Variants in ALX4 observed in about 807,000 individuals in gnomAD.
The protein encoded by ALX4 is ALX homeobox 4.
Under a neutral mutation model 40.6 loss-of-function variants are expected in ALX4, and 22 were observed. The observed-to-expected ratio is 0.54, with a 90% CI of 0.39 to 0.77. The LOEUF is 0.77. Ranked by LOEUF, ALX4 falls within the 30% of genes least tolerant of loss-of-function variation. The pLI is 0.00. For synonymous variants in ALX4, 266 were observed against 240.5 expected (o/e 1.11, Z -0.98); for missense variants, 556 against 564.8 (o/e 0.98, Z 0.16).
At chr11:44,287,232 T>C (rs1260401358) in intron 1 of ALX4, among the ~76,000 whole-genome samples, 2 of 152,106 alleles carry the variant, frequency 1.3e-5, no homozygotes, top group Non-Finnish European at 2.9e-5. Context: ...AGTCTAGAGA[T>C]GGAGTGGGCT....
intron 2 of ALX4, among the ~76,000 whole-genome samples, chr11:44,269,892 T>C (rs1956235185): frequency 6.6e-6 from 1 of 152,206 alleles, no homozygotes; most frequent in Non-Finnish European, 1.5e-5. Context: ...CCCAGGGTTT[T>C]CTGTGGGGGA....
In ALX4 at chr11:44,263,108, A is replaced by AC. The variant is rs1253361717; in HGVS notation, c.*1745dup. ...AACACCAGGCAGGCGGGAGACTGTC[A>AC]CCCCCAACCCCAGAGACCCTCATTC... On this transcript the variant is annotated 3_prime_UTR_variant, in exon 4 of 4. Transcript: ENST00000652299. 2.6e-5 allele frequency: 4 copies of AC among 152,254 alleles called. No individual in the cohort carries two copies. Among genetic ancestry groups the AC allele is most frequent in the African/African-American group, 7.2e-5 (3 of 41,530 alleles). The allele number at this position is 152,254 out of a possible 1,614,324, so 9.4% of individuals were successfully genotyped here.
intron 1 of ALX4, among the ~76,000 whole-genome samples, chr11:44,306,724 T>G (rs758929126): frequency 6.6e-6 from 1 of 152,208 alleles, no homozygotes; most frequent in Non-Finnish European, 1.5e-5. Context: ...CTCACAACTG[T>G]GGGAGAGAAT....
chr11:44,283,358 A>T (rs1019197703), intron 1 of ALX4, among the ~76,000 whole-genome samples: 3 of 152,232 alleles, frequency 2.0e-5, no homozygotes, highest in African/African-American at 7.2e-5. Flanking sequence ...CTAAATTAAA[A>T]GTTTATATGC....
chr11:44,265,608 G>A (rs905527250), intron 3 of ALX4, among the ~76,000 whole-genome samples: 8 of 152,142 alleles, frequency 5.3e-5, no homozygotes, highest in South Asian at 2.1e-4. Flanking sequence ...ACCTCAACTC[G>A]GAGAGCTTTG....
At chr11:44,306,213 C>A (rs966106562) in intron 1 of ALX4, among the ~76,000 whole-genome samples, 10 of 152,244 alleles carry the variant, frequency 6.6e-5, no homozygotes, top group Admixed American at 2.6e-4. Context: ...AAGGACACTG[C>A]GGAGCCGCCT....
intron 1 of ALX4, among the ~76,000 whole-genome samples, chr11:44,276,420 G>A (rs1956278492): frequency 6.6e-6 from 1 of 152,212 alleles, no homozygotes; most frequent in Non-Finnish European, 1.5e-5. Flanking sequence ...GGCCTGGGTG[G>A]GTGTACATGA....
rs1427499979 is a variant in ALX4 at position 44,309,736 on chromosome 11, C to G, written c.327G>C (p.Gln109His). 1 of 1,554,444 alleles carries G rather than the reference C, an allele frequency of 6.4e-7. No homozygotes were observed. The highest frequency in any genetic ancestry group is 1.4e-5 in the African/African-American group (1 of 72,494). Residue 109 changes from glutamine (Q) to histidine (H), a missense_variant, in exon 1 of 4, where the codon CAG becomes CAC. Coordinates refer to ENST00000652299, the MANE Select transcript of ALX4 (RefSeq NM_021926.4). ...PQPPPQPQPQ[Q>H]QQPQPQPPAQ... Reference sequence around the variant, plus strand: ...CGGGCGGCTGGGGCTGCGGCTGCTGCTGCTGCGGCTGCGGCTGCGGCGGCG... The same window carrying G: ...CGGGCGGCTGGGGCTGCGGCTGCTGGTGCTGCGGCTGCGGCTGCGGCGGCG...
chr11:44,296,547 G>T (rs1480092019), intron 1 of ALX4, among the ~76,000 whole-genome samples: 1 of 152,136 alleles, frequency 6.6e-6, no homozygotes, highest in Non-Finnish European at 1.5e-5. Flanking sequence ...AGAAATATTC[G>T]CAAATCATGT....
At chr11:44,272,823 TA>T (rs35424807) in intron 2 of ALX4, among the ~76,000 whole-genome samples, 36,326 of 149,200 alleles carry the variant, frequency 0.24, 5,144 homozygotes, top group Admixed American at 0.35. Context: ...AATAAAAAAA[TA>T]AAAAAAAAAT....
chr11:44,280,721 T>C (rs987065016), intron 1 of ALX4, among the ~76,000 whole-genome samples: 1 of 151,866 alleles, frequency 6.6e-6, no homozygotes, highest in Admixed American at 6.6e-5. Context: ...CCACGGAGGG[T>C]GTTGTGCACG....
chr11:44,299,709 G>A (rs1956424632), intron 1 of ALX4, among the ~76,000 whole-genome samples: 1 of 152,124 alleles, frequency 6.6e-6, no homozygotes, highest in South Asian at 2.1e-4. Context: ...CATCATCTGG[G>A]ATGGAATTAG....
intron 2 of ALX4, among the ~76,000 whole-genome samples, chr11:44,272,920 A>G (rs990550597): frequency 3.3e-5 from 5 of 152,252 alleles, no homozygotes; most frequent in African/African-American, 1.2e-4. Flanking sequence ...CTGAACAGCT[A>G]CATATTTACT....
intron 3 of ALX4, among the ~76,000 whole-genome samples, chr11:44,266,124 G>A (rs1458138963): frequency 6.6e-6 from 1 of 152,072 alleles, no homozygotes; most frequent in East Asian, 1.9e-4. Context: ...CCATCCTGGA[G>A]GGAACCGCAT....
intron 1 of ALX4, among the ~76,000 whole-genome samples, chr11:44,296,834 C>T (rs1023288266): frequency 6.6e-6 from 1 of 151,848 alleles, no homozygotes; most frequent in Non-Finnish European, 1.5e-5. Flanking sequence ...TGTGGCAAAA[C>T]CCCATCTCTA....
intron 3 of ALX4, among the ~76,000 whole-genome samples, chr11:44,267,121 G>A (rs568250876): frequency 3.3e-5 from 5 of 152,146 alleles, no homozygotes; most frequent in Non-Finnish European, 7.3e-5. Context: ...ACTTGGCCAC[G>A]AGTCCTGGAG....
At chr11:44,275,167 G>A (rs529252977) in intron 2 of ALX4, among the ~76,000 whole-genome samples, 181 bp downstream of exon 2, 16 of 152,288 alleles carry the variant, frequency 1.1e-4, no homozygotes, top group South Asian at 2.1e-4. Flanking sequence ...AAGCAGAGTC[G>A]CTCTAGTTGG....
chr11:44,306,810 T>C (rs1175894054), intron 1 of ALX4, among the ~76,000 whole-genome samples: 5 of 152,214 alleles, frequency 3.3e-5, no homozygotes, highest in Non-Finnish European at 5.9e-5. Flanking sequence ...TCCTCCTGGC[T>C]ACTTCTGTTA....
chr11:44,273,759 T>C (rs1956262009), intron 2 of ALX4, among the ~76,000 whole-genome samples: 1 of 152,030 alleles, frequency 6.6e-6, no homozygotes, highest in Non-Finnish European at 1.5e-5. Flanking sequence ...GAGACCAACA[T>C]GGACAACAAA....
Sources: allele counts gnomAD v4.1 joint callset (sites outside exome capture counted in the v4.1 genomes callset), GRCh38; gene constraint gnomAD v4.1.1; transcripts MANE v1.5; gene names NCBI Gene and HGNC (gene_info 2026-07-23, HGNC 2026-07-21).